Variants in DLGAP2 observed in about 807,000 individuals in gnomAD.
DLGAP2 encodes disks large-associated protein 2.
A neutral mutation model predicts 100.3 loss-of-function variants in DLGAP2; 26 were observed. The observed-to-expected ratio is 0.26, with a 90% CI of 0.19 to 0.36. The LOEUF (loss-of-function observed/expected upper bound fraction) is 0.36, where lower values mean the gene tolerates loss of function less well. Among genes scored for constraint, DLGAP2 ranks in the 10% least tolerant of loss-of-function variants. The pLI, the probability that DLGAP2 is intolerant of heterozygous loss-of-function variation, is 1.00. For synonymous variants in DLGAP2, 886 were observed against 630.1 expected (o/e 1.41, Z -6.08); for missense variants, 1,858 against 1,453.2 (o/e 1.28, Z -4.53).
At chr8:1,262,886 C>A (rs1204630419) in intron 3 of DLGAP2, among the ~76,000 whole-genome samples, 1 of 146,014 alleles carries the variant, frequency 6.8e-6, no homozygotes, top group Non-Finnish European at 1.5e-5. Context: ...CCACAGATGT[C>A]AGTTCATGGA....
At chr8:989,604 T>C (rs11784100) in intron 2 of DLGAP2, among the ~76,000 whole-genome samples, 44,278 of 151,798 alleles carry the variant, frequency 0.29, 6,561 homozygotes, top group Non-Finnish European at 0.32. Context: ...GGCTCTTAAC[T>C]GTGTTGAAAG....
chr8:801,478 C>G (rs1172632402), intron 1 of DLGAP2, among the ~76,000 whole-genome samples: 3 of 152,214 alleles, frequency 2.0e-5, no homozygotes, highest in Non-Finnish European at 1.5e-5. Context: ...TACGTACTTT[C>G]AGAGCATGTG....
At chr8:1,661,053 G>T (rs756641799) in intron 8 of DLGAP2, among the ~76,000 whole-genome samples, 1 of 152,228 alleles carries the variant, frequency 6.6e-6, no homozygotes, top group Non-Finnish European at 1.5e-5. Context: ...GAGGCTAGGG[G>T]ACAAATCCAT....
intron 1 of DLGAP2, among the ~76,000 whole-genome samples, chr8:881,666 A>ATGTGTGTATAT: frequency 7.6e-6 from 1 of 131,048 alleles, no homozygotes; most frequent in African/African-American, 2.7e-5. Flanking sequence ...CTTGTGGCTG[A>ATGTGTGTATAT]ACACACACAC....
chr8:1,042,704 G>A (rs554881704), intron 2 of DLGAP2, among the ~76,000 whole-genome samples: 9 of 151,810 alleles, frequency 5.9e-5, no homozygotes, highest in South Asian at 2.1e-4. Flanking sequence ...GTTGGATGTC[G>A]GTGGTGGGTG....
chr8:1,555,061 A>G (rs562314695), intron 5 of DLGAP2, among the ~76,000 whole-genome samples: 1 of 152,264 alleles, frequency 6.6e-6, no homozygotes, highest in East Asian at 1.9e-4. Flanking sequence ...TTTTGTTTTA[A>G]GTGGCTCATG....
chr8:1,666,323 C>G (rs1007089674), intron 8 of DLGAP2, among the ~76,000 whole-genome samples: 2 of 152,188 alleles, frequency 1.3e-5, no homozygotes, highest in Non-Finnish European at 1.5e-5. Flanking sequence ...ATCTGATCAT[C>G]CTTCCTCAGT....
At chr8:1,082,162 C>T (rs950989757) in intron 2 of DLGAP2, among the ~76,000 whole-genome samples, 1 of 152,304 alleles carries the variant, frequency 6.6e-6, no homozygotes, top group East Asian at 1.9e-4. Context: ...ACCTAAAGAA[C>T]ATCTCTGTCT....
chr8:1,023,714 C>G (rs995529555), intron 2 of DLGAP2, among the ~76,000 whole-genome samples: 2 of 152,158 alleles, frequency 1.3e-5, no homozygotes, highest in African/African-American at 4.8e-5. Flanking sequence ...CAGCCCAGCC[C>G]TGCTTTCCTT....
intron 3 of DLGAP2, among the ~76,000 whole-genome samples, chr8:1,260,661 G>A (rs999854431): frequency 6.6e-6 from 1 of 152,096 alleles, no homozygotes; most frequent in African/African-American, 2.4e-5. Context: ...AATCCATGAT[G>A]TTTGGAGGCG....
intron 1 of DLGAP2, among the ~76,000 whole-genome samples, chr8:849,936 G>T (rs1050152832): frequency 2.0e-5 from 3 of 151,944 alleles, no homozygotes; most frequent in South Asian, 4.2e-4. Flanking sequence ...TGGTGCTGTG[G>T]GCCTGTAATT....
rs564954532 is a variant in DLGAP2, at chr8:1,635,961, C to G, written c.1810+2915C>G. 2.6e-4 allele frequency among the ~76,000 whole-genome samples: 40 copies of G among 152,286 alleles called. 1 individual carries two copies. The highest frequency in any genetic ancestry group is 2.5e-3 in the South Asian group (12 of 4,822). On this transcript the variant is annotated intron_variant, in intron 8 of 14. Transcript: ENST00000637795. ...CTTTTAATCTAATCACCAGGGAACT[C>G]CAGTAAGAACAGAATACCCTGTGAG...
intron 1 of DLGAP2, among the ~76,000 whole-genome samples, chr8:900,363 C>T (rs891742606): frequency 4.0e-5 from 6 of 150,686 alleles, no homozygotes; most frequent in Non-Finnish European, 5.9e-5. Context: ...CTCCTCTTCA[C>T]GGGGTTGCTC....
chr8:1,482,118 C>T (rs1410475463), intron 3 of DLGAP2, among the ~76,000 whole-genome samples: 1 of 152,194 alleles, frequency 6.6e-6, no homozygotes, highest in Non-Finnish European at 1.5e-5. Flanking sequence ...ATCTGTCACC[C>T]CGTGTCATGC....
At chr8:1,109,142 G>C (rs544351084) in intron 2 of DLGAP2, among the ~76,000 whole-genome samples, 11 of 113,324 alleles carry the variant, frequency 9.7e-5, no homozygotes, top group African/African-American at 3.6e-4. Context: ...AGGTGTGCTG[G>C]ATCTGTGAGG....
intron 2 of DLGAP2, among the ~76,000 whole-genome samples, chr8:1,042,955 G>T (rs1285238517): frequency 7.7e-6 from 1 of 129,580 alleles, no homozygotes; most frequent in Non-Finnish European, 1.7e-5. Flanking sequence ...GATATGGCTG[G>T]TAGGTGGTGG....
At chr8:982,837 T>G (rs983314929) in intron 2 of DLGAP2, among the ~76,000 whole-genome samples, 5 of 151,924 alleles carry the variant, frequency 3.3e-5, no homozygotes, top group African/African-American at 1.2e-4. Flanking sequence ...GTATTTGTGT[T>G]CATTTTTTAT....
chr8:1,116,166 G>A (rs1454899894), intron 2 of DLGAP2, among the ~76,000 whole-genome samples: 1 of 152,218 alleles, frequency 6.6e-6, no homozygotes, highest in Non-Finnish European at 1.5e-5. Context: ...GGGGTGCGCA[G>A]GCGTCAGCTG....
At chr8:896,622 C>T (rs920095052) in intron 1 of DLGAP2, among the ~76,000 whole-genome samples, 3 of 152,022 alleles carry the variant, frequency 2.0e-5, no homozygotes, top group Non-Finnish European at 4.4e-5. Context: ...GTGGGGCCCC[C>T]ATGTTGGTAT....
Sources: gnomAD v4.1 joint callset for allele counts (sites outside exome capture counted in the v4.1 genomes callset) on GRCh38, gnomAD v4.1.1 for gene constraint, MANE v1.5 for transcripts, NCBI Gene and HGNC (gene_info 2026-07-23, HGNC 2026-07-21) for gene names.